The following ZNRF3 variants were observed in gnomAD, a reference collection of about 807,000 sequenced individuals.
ZNRF3 encodes E3 ubiquitin-protein ligase ZNRF3.
A neutral mutation model predicts 72.5 loss-of-function variants in ZNRF3; 23 were observed. That is an observed-to-expected ratio of 0.32 (90% CI 0.23 to 0.45). ZNRF3 has a LOEUF of 0.45. Among genes scored for constraint, ZNRF3 ranks in the 20% least tolerant of loss-of-function variants. The pLI, the probability that ZNRF3 is intolerant of heterozygous loss-of-function variation, is 1.00. For missense variants in ZNRF3, 1,169 were observed against 1,272.1 expected (o/e 0.92, Z 1.23); for synonymous variants, 610 against 545.3 (o/e 1.12, Z -1.65).
At chr22:28,896,235 A>T (rs886637126) in intron 1 of ZNRF3, among the ~76,000 whole-genome samples, 5 of 152,294 alleles carry the variant, frequency 3.3e-5, no homozygotes, top group African/African-American at 9.6e-5. Context: ...CCCGGGTTCA[A>T]GCGATTCTCC....
intron 2 of ZNRF3, among the ~76,000 whole-genome samples, chr22:29,014,136 G>GT (rs1286855717): frequency 2.0e-5 from 3 of 151,914 alleles, no homozygotes; most frequent in Non-Finnish European, 4.4e-5. Context: ...CACAGCCAAA[G>GT]TCACACAGCC....
chr22:28,949,308 T>C (rs1040268761), intron 1 of ZNRF3, among the ~76,000 whole-genome samples: 1 of 149,180 alleles, frequency 6.7e-6, no homozygotes, highest in African/African-American at 2.5e-5. Context: ...AGGGTCTGAC[T>C]CTGTTGCCCA....
At chr22:29,012,360 C>T (rs2036361338) in intron 2 of ZNRF3, among the ~76,000 whole-genome samples, 1 of 152,200 alleles carries the variant, frequency 6.6e-6, no homozygotes, top group African/African-American at 2.4e-5. Context: ...CCTTAGTTCT[C>T]AAAACATCCA....
At chr22:28,977,621 C>T (rs1024462999) in intron 1 of ZNRF3, among the ~76,000 whole-genome samples, 1 of 152,142 alleles carries the variant, frequency 6.6e-6, no homozygotes, top group African/African-American at 2.4e-5. Flanking sequence ...AGGAAGTTTC[C>T]CTTTTAAATC....
intron 2 of ZNRF3, among the ~76,000 whole-genome samples, chr22:28,994,599 T>C (rs2036017890): frequency 6.6e-6 from 1 of 152,120 alleles, no homozygotes; most frequent in African/African-American, 2.4e-5. Flanking sequence ...GGGAGTTGTT[T>C]AATGGGTATG....
chr22:29,046,355 G>A (rs147218932), intron 5 of ZNRF3, among the ~76,000 whole-genome samples: 2 of 152,252 alleles, frequency 1.3e-5, no homozygotes, highest in African/African-American at 4.8e-5. Context: ...TCTATTTACT[G>A]TCACCACCTC....
Position 29,044,771 on chromosome 22 carries a change from C to T in ZNRF3, c.634-9C>T. 1.2e-6 allele frequency: 2 copies of T among 1,602,426 alleles called. No homozygotes were observed. The highest frequency in any genetic ancestry group is 1.7e-6 in the Non-Finnish European group (2 of 1,169,376). On this transcript the variant is annotated splice_polypyrimidine_tract_variant and intron_variant, in intron 4 of 8. Coordinates refer to ENST00000544604, the MANE Select transcript of ZNRF3 (RefSeq NM_001206998.2). ...GGCTGTGACTCACTGTGTCTGTGTT[C>T]CGTTCCAGCAACCCACTGAATACTT...
chr22:28,921,566 G>A, intron 1 of ZNRF3, among the ~76,000 whole-genome samples: 1 of 152,190 alleles, frequency 6.6e-6, no homozygotes. Flanking sequence ...TGCCTCTGCT[G>A]CCTCCGAACC....
chr22:29,024,284 G>GTT (rs59532780), intron 2 of ZNRF3, among the ~76,000 whole-genome samples: 25 of 127,840 alleles, frequency 2.0e-4, no homozygotes, highest in African/African-American at 6.3e-4. Context: ...GGCATTAACT[G>GTT]TTTTTTTTTT....
At chr22:28,956,493 T>C (rs1473236538) in intron 1 of ZNRF3, among the ~76,000 whole-genome samples, 1 of 151,964 alleles carries the variant, frequency 6.6e-6, no homozygotes, top group Non-Finnish European at 1.5e-5. Context: ...CAATGCAGCA[T>C]GGAGAATTTG....
At chr22:28,886,576 A>G (rs2033791532) in intron 1 of ZNRF3, among the ~76,000 whole-genome samples, 1 of 152,192 alleles carries the variant, frequency 6.6e-6, no homozygotes, top group South Asian at 2.1e-4. Flanking sequence ...TGCTCATTGT[A>G]ACTTCTTGTC....
chr22:29,033,667 A>G (rs2036808821), intron 2 of ZNRF3, among the ~76,000 whole-genome samples: 1 of 152,184 alleles, frequency 6.6e-6, no homozygotes, highest in Non-Finnish European at 1.5e-5. Context: ...CGATGGATGG[A>G]TTTGGAAGTC....
intron 1 of ZNRF3, among the ~76,000 whole-genome samples, chr22:28,958,891 G>T (rs2035305567): frequency 6.6e-6 from 1 of 152,236 alleles, no homozygotes; most frequent in South Asian, 2.1e-4. Context: ...TTACAGCAAA[G>T]ATTAAATGGT....
rs1280609647 is a variant in ZNRF3 at position 29,007,756 on chromosome 22, T to C, written c.426+20555T>C. Among the ~76,000 whole-genome samples, 53 of 140,292 alleles carry C rather than the reference T, an allele frequency of 3.8e-4. 7 individuals are homozygous for C. The highest frequency in any genetic ancestry group is 4.8e-4 in the South Asian group (2 of 4,164). The allele number at this position is 140,292 out of a possible 152,430, so 92.0% of individuals were successfully genotyped here. On this transcript the variant is annotated intron_variant, in intron 2 of 8. Coordinates refer to ENST00000544604, the MANE Select transcript of ZNRF3 (RefSeq NM_001206998.2). ...TCATAGAAATTCCATTTCTTCCTTT[T>C]TTTTTTTTTTTTTTTTTTGAGACAG...
In ZNRF3 at chr22:29,043,429, G is replaced by C; in HGVS notation, c.632G>C (p.Arg211Pro). 1 of 1,613,184 alleles carries C rather than the reference G, an allele frequency of 6.2e-7. No homozygotes were observed. The highest frequency in any genetic ancestry group is 8.5e-7 in the Non-Finnish European group (1 of 1,179,942). Residue 211 changes from arginine to proline, a missense_variant and splice_region_variant, in exon 4 of 9, where the codon CGA becomes CCA. Transcript: ENST00000544604. The part of the protein sequence containing the change: ...ARARIQHRPP[R>P]QPTEYFDMGI... The stretch of plus-strand genomic sequence containing the variant: ...GCAAGGATCCAGCACCGCCCTCCTC[G>C]AGTGAGCCTCCGCACCATTTGGCAC...
chr22:28,933,777 CTCCCCTCCCT>C (rs1569251186), intron 1 of ZNRF3, among the ~76,000 whole-genome samples: 11 of 132,842 alleles, frequency 8.3e-5, no homozygotes, highest in African/African-American at 2.1e-4. Context: ...CTCTCTCTCT[CTCCCCTCCCT>C]CCTCCCTCCT....
At chr22:29,009,068 C>T (rs1305882274) in intron 2 of ZNRF3, among the ~76,000 whole-genome samples, 2 of 152,176 alleles carry the variant, frequency 1.3e-5, no homozygotes, top group African/African-American at 4.8e-5. Context: ...GGCCTCCCTC[C>T]TTGGTACTGC....
chr22:28,903,214 TGTCA>T (rs769687156), intron 1 of ZNRF3, among the ~76,000 whole-genome samples: 16 of 152,328 alleles, frequency 1.1e-4, no homozygotes, highest in Non-Finnish European at 2.4e-4. Context: ...CCTTAAGCTC[TGTCA>T]GTCGGGCACG....
At chr22:28,914,303 C>T (rs73881178) in intron 1 of ZNRF3, among the ~76,000 whole-genome samples, 9,682 of 152,014 alleles carry the variant, frequency 0.064, 357 homozygotes, top group African/African-American at 0.077. Flanking sequence ...GTGCATTTTC[C>T]GGGTTAGTCT....
Sources: allele counts gnomAD v4.1 joint callset (sites outside exome capture counted in the v4.1 genomes callset), GRCh38; gene constraint gnomAD v4.1.1; transcripts MANE v1.5; gene names NCBI Gene and HGNC (gene_info 2026-07-23, HGNC 2026-07-21).